FGF14: variants seen among roughly 807,000 people sequenced by gnomAD.
FGF14 encodes the protein fibroblast growth factor 14, also known as fibroblast growth factor homologous factor 4.
In FGF14, 5 loss-of-function variants were observed where a neutral mutation model predicts 25.5. The observed-to-expected ratio is 0.20, with a 90% confidence interval of 0.10 to 0.41. FGF14 has a LOEUF of 0.41. Ranked by LOEUF, FGF14 falls within the 10% of genes least tolerant of loss-of-function variation. The probability of loss-of-function intolerance (pLI) is 1.00; values close to 1 mark genes in which losing one functional copy is unlikely to be tolerated. For synonymous variants in FGF14, 138 were observed against 118.3 expected (o/e 1.17, Z -1.08); for missense variants, 222 against 320.1 (o/e 0.69, Z 2.34).
At chr13:101,812,322 G>C (rs575235723) in intron 3 of FGF14, among the ~76,000 whole-genome samples, 2 of 152,016 alleles carry the variant, frequency 1.3e-5, no homozygotes, top group Admixed American at 6.6e-5. Flanking sequence ...TGAATGAATA[G>C]GGTACAGAGG....
At chr13:102,012,456 T>C (rs2040132753) in intron 1 of FGF14, among the ~76,000 whole-genome samples, 2 of 151,344 alleles carry the variant, frequency 1.3e-5, no homozygotes, top group Non-Finnish European at 3.0e-5. Flanking sequence ...TTTGTCTGTG[T>C]CTGAAAGGTT....
At chr13:102,003,492 G>A (rs922611985) in intron 1 of FGF14, among the ~76,000 whole-genome samples, 4 of 152,184 alleles carry the variant, frequency 2.6e-5, no homozygotes, top group Non-Finnish European at 5.9e-5. Flanking sequence ...CAGGAACCAC[G>A]TAACTATTTC....
intron 3 of FGF14, among the ~76,000 whole-genome samples, chr13:101,858,156 G>T (rs1410420798): frequency 2.0e-5 from 3 of 151,244 alleles, no homozygotes; most frequent in Non-Finnish European, 2.9e-5. Context: ...TCAGAGCCCA[G>T]GGTTCTCACA....
chr13:101,997,060 C>T lies in FGF14; in HGVS notation c.209-121764G>A, dbSNP rs370749025. ...TGCAGCCAGCTGAATTAGCAGTGGTCGCTCAGCCGGGCACTCTTTTACTAG... is the reference window on the plus strand; with the variant it reads ...TGCAGCCAGCTGAATTAGCAGTGGTTGCTCAGCCGGGCACTCTTTTACTAG... On this transcript the variant is annotated intron_variant, in intron 1 of 4. Transcript: ENST00000376131. Among the ~76,000 whole-genome samples, 24 of 152,308 alleles carry T rather than the reference C, an allele frequency of 1.6e-4. No individual in the cohort carries two copies. In the East Asian group the frequency reaches 1.7e-3, roughly 11 times the overall value.
intron 1 of FGF14, among the ~76,000 whole-genome samples, chr13:102,051,149 G>C (rs2042200312): frequency 6.6e-6 from 1 of 152,160 alleles, no homozygotes; most frequent in Non-Finnish European, 1.5e-5. Context: ...TGAGGACTTA[G>C]CTCTGGGGCC....
At chr13:102,326,667 G>GGGGAAGGGAAGGGAA (rs1334021858) in intron 1 of FGF14, among the ~76,000 whole-genome samples, 23 of 74,840 alleles carry the variant, frequency 3.1e-4, no homozygotes, top group African/African-American at 1.2e-3. Context: ...GGGGAAGGGA[G>GGGGAAGGGAAGGGAA]GGGAAGGGAA....
intron 1 of FGF14, among the ~76,000 whole-genome samples, chr13:102,287,311 T>C (rs1034159685): frequency 6.6e-6 from 1 of 152,016 alleles, no homozygotes; most frequent in Non-Finnish European, 1.5e-5. Context: ...ACTAAGACAA[T>C]GAAATTAAAT....
At chr13:101,921,841 A>G (rs1183594611), upstream of FGF14, among the ~76,000 whole-genome samples, 1 of 152,192 alleles carries the variant, frequency 6.6e-6, no homozygotes, top group Non-Finnish European at 1.5e-5. Context: ...ATCTCCTATG[A>G]ATCTTTCCTC....
intron 1 of FGF14, among the ~76,000 whole-genome samples, chr13:101,877,163 C>T (rs576669107): frequency 1.7e-3 from 261 of 152,168 alleles, no homozygotes; most frequent in Non-Finnish European, 3.3e-3. Context: ...CACTCACACG[C>T]GCCCTCATGC....
chr13:101,801,904 A>G, intron 3 of FGF14: 11 of 408,654 alleles, frequency 2.7e-5, no homozygotes, highest in South Asian at 1.9e-4. Context: ...CCAAGAAACC[A>G]AAGGGTAAGA....
At chr13:102,184,988 G>C (rs1173516510) in intron 1 of FGF14, among the ~76,000 whole-genome samples, 1 of 151,994 alleles carries the variant, frequency 6.6e-6, no homozygotes, top group African/African-American at 2.4e-5. Flanking sequence ...AGAATATTTT[G>C]TGGCCATTAA....
chr13:102,002,673 C>G (rs559275877), intron 1 of FGF14: 1 of 153,424 alleles, frequency 6.5e-6, no homozygotes, highest in African/African-American at 2.4e-5. Flanking sequence ...CACCTTATTA[C>G]GTAGCGCTAA....
chr13:101,855,276 T>C (rs1287921396), intron 3 of FGF14, among the ~76,000 whole-genome samples: 1 of 152,028 alleles, frequency 6.6e-6, no homozygotes, highest in Non-Finnish European at 1.5e-5. Flanking sequence ...ATCTTCAACT[T>C]GCTGTTCTTA....
At chr13:102,069,192 C>T (rs1417395116) in intron 1 of FGF14, among the ~76,000 whole-genome samples, 1 of 152,138 alleles carries the variant, frequency 6.6e-6, no homozygotes, top group Non-Finnish European at 1.5e-5. Flanking sequence ...GTGAGTGCGC[C>T]AATTGACACT....
At chr13:102,298,587 TC>T (rs1324465783) in intron 1 of FGF14, among the ~76,000 whole-genome samples, 1 of 152,166 alleles carries the variant, frequency 6.6e-6, no homozygotes, top group Non-Finnish European at 1.5e-5. Context: ...TTTGGTAAGT[TC>T]CGGTTTTTAT....
At chr13:102,328,750 A>T (rs1464839000) in intron 1 of FGF14, among the ~76,000 whole-genome samples, 1 of 152,264 alleles carries the variant, frequency 6.6e-6, no homozygotes, top group African/African-American at 2.4e-5. Flanking sequence ...ACATGTATAA[A>T]TTAAGATGGA....
intron 1 of FGF14, among the ~76,000 whole-genome samples, chr13:102,045,699 G>A (rs1723306414): frequency 6.6e-6 from 1 of 152,166 alleles, no homozygotes; most frequent in Non-Finnish European, 1.5e-5. Context: ...GTTTAGAGAT[G>A]TGTAATTATC....
intron 1 of FGF14, among the ~76,000 whole-genome samples, chr13:101,988,539 A>G (rs1296128472): frequency 3.3e-5 from 5 of 152,096 alleles, no homozygotes; most frequent in Admixed American, 1.3e-4. Context: ...AAAAAGGATG[A>G]GTTCATGTTC....
intron 1 of FGF14, among the ~76,000 whole-genome samples, chr13:102,161,570 A>AAGAAGAAAAGAAGAAGAAAGAAGAAAG: frequency 5.3e-4 from 3 of 5,652 alleles, no homozygotes; most frequent in African/African-American, 3.0e-3. Flanking sequence ...TTCTGTGAAG[A>AAGAAGAAAAGAAGAAGAAAGAAGAAAG]AAGAAAGAAG....
Sources: allele counts gnomAD v4.1 joint callset (sites outside exome capture counted in the v4.1 genomes callset), GRCh38; gene constraint gnomAD v4.1.1; transcripts MANE v1.5; gene names NCBI Gene and HGNC (gene_info 2026-07-23, HGNC 2026-07-21).